Variants in GATD3 observed in about 807,000 individuals in gnomAD.
The protein encoded by GATD3 is glutamine amidotransferase-like class 1 domain-containing protein 3, mitochondrial.
the GATD3 span, chr21:44,140,443 C>A: frequency 9.5e-6 from 1 of 105,796 alleles, no homozygotes; most frequent in South Asian, 1.2e-4. Flanking sequence ...TGAAAACTCA[C>A]AGCTGCTTTT....
the GATD3 span, among the ~76,000 whole-genome samples, chr21:44,139,648 T>TA: frequency 1.4e-5 from 1 of 73,854 alleles, no homozygotes; most frequent in Non-Finnish European, 4.5e-5. Context: ...CTCTGACACA[T>TA]ACCGGTAAAC....
At chr21:44,139,691 C>A in the GATD3 span, among the ~76,000 whole-genome samples, 1 of 74,956 alleles carries the variant, frequency 1.3e-5, no homozygotes, top group African/African-American at 2.9e-5. Context: ...CAATTGGCTT[C>A]AAGTTGGGGT....
At chr21:44,139,407 T>TG in the GATD3 span, among the ~76,000 whole-genome samples, 1 of 36,180 alleles carries the variant, frequency 2.8e-5, no homozygotes, top group African/African-American at 5.5e-5. Flanking sequence ...ACTGCGTTTC[T>TG]TTTTTTGGGA....
chr21:44,139,551 G>A, the GATD3 span, among the ~76,000 whole-genome samples: 6 of 71,996 alleles, frequency 8.3e-5, 3 homozygotes, highest in Admixed American at 9.1e-4. Context: ...CGCAGGGGTC[G>A]CTGCTGCCTT....
At chr21:44,137,639 A>G in the GATD3 span, 2 of 1,302 alleles carry the variant, frequency 1.5e-3, no homozygotes, top group African/African-American at 2.5e-3. Context: ...CGTTGAAATC[A>G]GTCTCTGAGT....
the GATD3 span, among the ~76,000 whole-genome samples, chr21:44,142,639 C>T: frequency 4.1e-4 from 31 of 75,862 alleles, 5 homozygotes; most frequent in African/African-American, 8.6e-4. Flanking sequence ...AGGGCTGCTG[C>T]GGCCTGTGCG....
At chr21:44,141,940 A>G in the GATD3 span, among the ~76,000 whole-genome samples, 33 of 47,340 alleles carry the variant, frequency 7.0e-4, 14 homozygotes, top group East Asian at 7.0e-4. Context: ...GTTTCATCTC[A>G]TAGGCAGCCA....
the GATD3 span, among the ~76,000 whole-genome samples, chr21:44,142,469 C>T: frequency 3.9e-3 from 240 of 61,206 alleles, 95 homozygotes; most frequent in Non-Finnish European, 0.012. Flanking sequence ...TCCACTGTTG[C>T]CCCTGGGTGG....
the GATD3 span, among the ~76,000 whole-genome samples, chr21:44,142,708 G>A: frequency 5.3e-5 from 4 of 76,170 alleles, 2 homozygotes; most frequent in Non-Finnish European, 1.8e-4. Context: ...GCTGCAGGTC[G>A]GAGGCTGGCG....
the GATD3 span, chr21:44,140,832 G>A: frequency 7.2e-5 from 1 of 13,864 alleles, no homozygotes; most frequent in East Asian, 5.6e-4. Context: ...CTTGGCTTAC[G>A]TGGCGGGTCG....
the GATD3 span, among the ~76,000 whole-genome samples, chr21:44,142,902 CTGGGGCT>C: frequency 3.2e-5 from 1 of 31,524 alleles, no homozygotes; most frequent in Middle Eastern, 0.015. Context: ...CTGGGGTGTC[CTGGGGCT>C]TGGGGCTTAG....
At chr21:44,139,589 G>A in the GATD3 span, among the ~76,000 whole-genome samples, 2 of 73,568 alleles carry the variant, frequency 2.7e-5, 1 homozygote, top group South Asian at 7.1e-4. Flanking sequence ...GTATGGACCC[G>A]GGGTAGCGTC....
the GATD3 span, chr21:44,133,703 G>T: frequency 3.3e-6 from 2 of 607,408 alleles, 1 homozygote; most frequent in African/African-American, 3.5e-5. Context: ...CCGCAATGGC[G>T]GCTGTGAGGG....
the GATD3 span, among the ~76,000 whole-genome samples, chr21:44,144,616 G>T: frequency 0.023 from 1,383 of 59,372 alleles, 280 homozygotes; most frequent in African/African-American, 0.047. Context: ...TTGGGAACAG[G>T]TTCCTTCTTA....
At chr21:44,142,622 C>T in the GATD3 span, among the ~76,000 whole-genome samples, 2 of 75,632 alleles carry the variant, frequency 2.6e-5, 1 homozygote, top group Non-Finnish European at 8.9e-5. Context: ...GCAGGACCCT[C>T]AGTTTCAGGG....
chr21:44,142,484 G>A, the GATD3 span, among the ~76,000 whole-genome samples: 16 of 65,382 alleles, frequency 2.4e-4, 5 homozygotes, highest in African/African-American at 5.2e-4. Flanking sequence ...GGGTGGCCAT[G>A]AGGCGCTGGA....
At chr21:44,139,588 C>A in the GATD3 span, among the ~76,000 whole-genome samples, 4 of 73,526 alleles carry the variant, frequency 5.4e-5, 2 homozygotes, top group Admixed American at 5.9e-4. Flanking sequence ...AGTATGGACC[C>A]GGGGTAGCGT....
At chr21:44,140,964 C>CCG in the GATD3 span, 3 of 67,182 alleles carry the variant, frequency 4.5e-5, 1 homozygote, top group Non-Finnish European at 9.0e-5. Flanking sequence ...CACGAGCCTC[C>CCG]CGGCACCTGC....
At chr21:44,142,602 G>A in the GATD3 span, among the ~76,000 whole-genome samples, 6 of 75,816 alleles carry the variant, frequency 7.9e-5, 2 homozygotes, top group African/African-American at 1.7e-4. Context: ...AGGTCCCAGG[G>A]GTGGGTGTGG....
Sources: allele counts gnomAD v4.1 joint callset (sites outside exome capture counted in the v4.1 genomes callset), GRCh38; gene constraint gnomAD v4.1.1; transcripts MANE v1.5; gene names NCBI Gene and HGNC (gene_info 2026-07-23, HGNC 2026-07-21).